Variants in ZBTB5 observed in about 807,000 individuals in gnomAD.
The protein encoded by ZBTB5 is zinc finger and BTB domain containing 5.
ZBTB5 carries 15 observed loss-of-function variants against 37.9 expected under a neutral mutation model. That is an observed-to-expected ratio of 0.40 (90% CI 0.26 to 0.61). The LOEUF is 0.61. Among genes scored for constraint, ZBTB5 ranks in the 20% least tolerant of loss-of-function variants. The pLI is 0.47. For synonymous variants in ZBTB5, 315 were observed against 312.4 expected, an observed-to-expected ratio of 1.01 and a Z score of -0.09; for missense variants, 708 against 856.8, an observed-to-expected ratio of 0.83 and a Z score of 2.17.
Position 37,441,031 on chromosome 9 carries a change from G to A in ZBTB5, c.1521C>T (p.Ser507=). ...QGGEQFGMDF[S]RSGLGLHSSF... ...AGGAGTGGAGGCCCAAACCAGACCT[G>A]GAAAAGTCCATCCCAAACTGTTCTC... The change falls in exon 2 of 2, where the codon TCC becomes TCT. Residue 507 remains serine, a synonymous_variant. Transcript: ENST00000307750. 1 of 1,614,100 alleles carries A rather than the reference G, an allele frequency of 6.2e-7. No individual in the cohort carries two copies. The highest frequency in any genetic ancestry group is 1.1e-5 in the South Asian group (1 of 91,078).
At chr9:37,454,168 T>C (rs1190377539) in intron 1 of ZBTB5, among the ~76,000 whole-genome samples, 1 of 152,190 alleles carries the variant, frequency 6.6e-6, no homozygotes, top group African/African-American at 2.4e-5. Context: ...GAGGGAATAT[T>C]TTAAAAATTC....
chr9:37,445,912 G>C (rs141542062), intron 1 of ZBTB5, among the ~76,000 whole-genome samples: 1 of 152,066 alleles, frequency 6.6e-6, no homozygotes, highest in South Asian at 2.1e-4. Flanking sequence ...ACCACCTTAG[G>C]CAACATGGCA....
chr9:37,456,083 T>G (rs1319629410), intron 1 of ZBTB5, among the ~76,000 whole-genome samples: 2 of 152,062 alleles, frequency 1.3e-5, no homozygotes, highest in African/African-American at 4.8e-5. Flanking sequence ...CCTGGGTAGC[T>G]GGGACTACAG....
chr9:37,450,229 A>G (rs1249540675), intron 1 of ZBTB5, among the ~76,000 whole-genome samples: 2 of 152,064 alleles, frequency 1.3e-5, no homozygotes, highest in Non-Finnish European at 2.9e-5. Context: ...CTCCATTCCT[A>G]AACTCGAGTG....
At chr9:37,447,085 C>G (rs1307074876) in intron 1 of ZBTB5, among the ~76,000 whole-genome samples, 28 of 152,202 alleles carry the variant, frequency 1.8e-4, no homozygotes, top group Admixed American at 1.8e-3. Context: ...ATACCCAAGA[C>G]TGGGTGATTT....
chr9:37,450,235 G>C (rs575780137), intron 1 of ZBTB5, among the ~76,000 whole-genome samples: 1 of 151,656 alleles, frequency 6.6e-6, no homozygotes, highest in African/African-American at 2.4e-5. Flanking sequence ...TCCTAAACTC[G>C]AGTGTGTCTG....
At chr9:37,451,555 C>CAAAA (rs67502719) in intron 1 of ZBTB5, among the ~76,000 whole-genome samples, 11 of 72,716 alleles carry the variant, frequency 1.5e-4, no homozygotes, top group African/African-American at 3.8e-4. Flanking sequence ...GAGACTATCT[C>CAAAA]AAAAAAAAAA....
chr9:37,448,952 G>A (rs746859042), intron 1 of ZBTB5, among the ~76,000 whole-genome samples: 3 of 151,554 alleles, frequency 2.0e-5, no homozygotes, highest in African/African-American at 2.4e-5. Flanking sequence ...GCTGAGGCAG[G>A]AGAATCGCTT....
chr9:37,454,997 T>C (rs1272667501), intron 1 of ZBTB5, among the ~76,000 whole-genome samples: 2 of 152,154 alleles, frequency 1.3e-5, no homozygotes, highest in Non-Finnish European at 2.9e-5. Context: ...AAATGCTGGG[T>C]AGAAGAAGGC....
At position 37,440,237 on chromosome 9, in the gene ZBTB5, A is replaced by C. The variant is rs184622618; in HGVS notation, c.*281T>G. ...TTGCACTTCAATTTTTAAATTTTTA[A>C]ATGTGCCACTTTTAATATCAATTAC... is the stretch of plus-strand genomic sequence containing the variant. On this transcript the variant is annotated 3_prime_UTR_variant, in exon 2 of 2. Transcript: ENST00000307750. The C allele has an allele frequency of 2.6e-6, 1 of 389,538 alleles. No individual in the cohort carries two copies. Among genetic ancestry groups the C allele is most frequent in the East Asian group, 4.7e-5 (1 of 21,374 alleles). 24.1% of individuals were successfully genotyped at this position (389,538 alleles called of 1,614,324 possible). A position where few individuals can be genotyped will look rare whatever the true frequency, so the allele number is the denominator to read the frequency against.
At chr9:37,453,985 A>G (rs2118950768) in intron 1 of ZBTB5, among the ~76,000 whole-genome samples, 1 of 152,312 alleles carries the variant, frequency 6.6e-6, no homozygotes, top group South Asian at 2.1e-4. Flanking sequence ...AGGTATGACT[A>G]AAGTTGGCAC....
At chr9:37,463,810 G>A (rs1156240033) in intron 1 of ZBTB5, among the ~76,000 whole-genome samples, 5 of 152,124 alleles carry the variant, frequency 3.3e-5, no homozygotes, top group African/African-American at 1.2e-4. Flanking sequence ...AACTTTTAGG[G>A]AAAAGGGGCA....
intron 1 of ZBTB5, among the ~76,000 whole-genome samples, chr9:37,456,824 G>GTATA (rs1272923624): frequency 1.3e-5 from 2 of 152,122 alleles, no homozygotes; most frequent in African/African-American, 4.8e-5. Flanking sequence ...TATGGATGAA[G>GTATA]TATAATGTAT....
rs761516616 is a variant in ZBTB5 at position 37,441,550 on chromosome 9, C to T, written c.1002G>A (p.Leu334=). ...CTTCATCCTGAGGCTCAGGTGAGCT[C>T]AGGGGCTCAGATTTAACCACCACTC... ...HMRVVVKSEP[L]SSPEPQDEVS... The change falls in exon 2 of 2, where the codon CTG becomes CTA. Residue 334 remains leucine, a synonymous_variant. Coordinates refer to ENST00000307750, the MANE Select transcript of ZBTB5 (RefSeq NM_014872.3). 3 of 1,612,686 alleles carry T rather than the reference C, an allele frequency of 1.9e-6. No homozygotes were observed. The highest frequency in any genetic ancestry group is 2.5e-6 in the Non-Finnish European group (3 of 1,179,870).
chr9:37,456,932 C>T (rs1466787019), intron 1 of ZBTB5, among the ~76,000 whole-genome samples: 1 of 152,218 alleles, frequency 6.6e-6, no homozygotes, highest in Non-Finnish European at 1.5e-5. Flanking sequence ...AGATCAAAGA[C>T]TATGGATGAA....
At chr9:37,451,660 G>A (rs181113139) in intron 1 of ZBTB5, among the ~76,000 whole-genome samples, 6 of 150,930 alleles carry the variant, frequency 4.0e-5, no homozygotes, top group East Asian at 2.0e-4. Context: ...AGACTATAAC[G>A]ACACACATAC....
chr9:37,443,781 A>C (rs1029791799), intron 1 of ZBTB5, among the ~76,000 whole-genome samples: 2 of 152,004 alleles, frequency 1.3e-5, no homozygotes, highest in Non-Finnish European at 2.9e-5. Flanking sequence ...AAATACAAAA[A>C]ATTAGCCGGG....
In ZBTB5 at chr9:37,440,628, C is replaced by T. The variant is rs11558453; in HGVS notation, c.1924G>A (p.Ala642Thr). The T allele has an allele frequency of 5.6e-6, 9 of 1,614,240 alleles. No individual in the cohort carries two copies. Among genetic ancestry groups the T allele is most frequent in the Middle Eastern group, 1.6e-4 (1 of 6,062 alleles). The change falls in exon 2 of 2, where the codon GCC becomes ACC. Residue 642 changes from alanine to threonine, a missense_variant. Ala to Thr is a moderately conservative substitution (Grantham distance 58). Transcript: ENST00000307750. Reference protein sequence around the residue: ...IRVHTGEKPYACLKCGKRFSQ... With the variant: ...IRVHTGEKPYTCLKCGKRFSQ... The stretch of plus-strand genomic sequence containing the variant: ...AACCTCTTGCCACACTTCAGGCAGG[C>T]GTAAGGCTTTTCACCTGTGTGAACA...
In ZBTB5 at chr9:37,439,353, T is replaced by G. The variant is rs1823808474; in HGVS notation, c.*1165A>C. ...TAACTCTTACATAGCCTAGAAAATA[T>G]TTACCCATGAACACTACCATGTTTG... On this transcript the variant is annotated 3_prime_UTR_variant, in exon 2 of 2. Transcript: ENST00000307750. 6.6e-6 allele frequency: 1 copy of G among 152,216 alleles called. No individual in the cohort carries two copies. The highest frequency in any genetic ancestry group is 2.4e-5 in the African/African-American group (1 of 41,448). The allele number at this position is 152,216 out of a possible 1,614,324, so 9.4% of individuals were successfully genotyped here.
Sources: allele counts gnomAD v4.1 joint callset (sites outside exome capture counted in the v4.1 genomes callset), GRCh38; gene constraint gnomAD v4.1.1; transcripts MANE v1.5; gene names NCBI Gene and HGNC (gene_info 2026-07-23, HGNC 2026-07-21).